The following ADAMTS18 variants were observed in gnomAD, a reference collection of about 807,000 sequenced individuals.
ADAMTS18 encodes A disintegrin and metalloproteinase with thrombospondin motifs 18.
Under a neutral mutation model 165.9 loss-of-function variants are expected in ADAMTS18, and 157 were observed. The ratio of observed to expected loss-of-function variants is 0.95; its 90% CI spans 0.83 to 1.08. The LOEUF (loss-of-function observed/expected upper bound fraction) is 1.08, where lower values mean the gene tolerates loss of function less well. ADAMTS18 is among the 50% of genes least tolerant of loss of function. The probability of loss-of-function intolerance (pLI) is 0.00; values close to 1 mark genes in which losing one functional copy is unlikely to be tolerated. For synonymous variants in ADAMTS18, 782 were observed against 578.2 expected (o/e 1.35, Z -5.06); for missense variants, 2,040 against 1,534.0 (o/e 1.33, Z -5.51).
chr16:77,330,123 G>T (rs1293550855), intron 12 of ADAMTS18, among the ~76,000 whole-genome samples: 1 of 152,146 alleles, frequency 6.6e-6, no homozygotes, highest in Non-Finnish European at 1.5e-5. Flanking sequence ...CTGATAACCA[G>T]CTGAGCCGTG....
chr16:77,336,434 C>T (rs2056311880), intron 11 of ADAMTS18, among the ~76,000 whole-genome samples: 1 of 152,178 alleles, frequency 6.6e-6, no homozygotes, highest in South Asian at 2.1e-4. Context: ...ATTACACATA[C>T]ATTATATTTT....
At chr16:77,330,701 T>C (rs751454035) in intron 12 of ADAMTS18, among the ~76,000 whole-genome samples, 4 of 152,226 alleles carry the variant, frequency 2.6e-5, no homozygotes, top group Non-Finnish European at 4.4e-5. Flanking sequence ...GCATTGGCCA[T>C]TCCAGAGCCA....
At position 77,434,755 on chromosome 16, in the gene ADAMTS18, G is replaced by A. The variant is rs1285789080; in HGVS notation, c.-60C>T. 10 of 1,326,324 alleles carry A rather than the reference G, an allele frequency of 7.5e-6. No individual in the cohort carries two copies. The Admixed American group carries it at 1.0e-4, about 14-fold the overall frequency. The allele number at this position is 1,326,324 out of a possible 1,614,324, so 82.2% of individuals were successfully genotyped here. A position where few individuals can be genotyped will look rare whatever the true frequency, so the allele number is the denominator to read the frequency against. On this transcript the variant is annotated 5_prime_UTR_variant, in exon 1 of 23. Transcript: ENST00000282849. ...GACGCGGCAGGCGGAGCGCACGGGC[G>A]GCGCGCATTCTTTCCGCGGCCCCGG...
At chr16:77,387,523 T>G (rs1441330938) in intron 3 of ADAMTS18, among the ~76,000 whole-genome samples, 2 of 152,192 alleles carry the variant, frequency 1.3e-5, no homozygotes, top group Non-Finnish European at 2.9e-5. Flanking sequence ...CTCTGACCAT[T>G]CATACCTCCT....
intron 20 of ADAMTS18, among the ~76,000 whole-genome samples, chr16:77,292,557 G>T (rs1018446361): frequency 3.3e-5 from 5 of 152,184 alleles, no homozygotes; most frequent in African/African-American, 1.2e-4. Context: ...ACCGGCTTGG[G>T]TGAAGCTTGA....
intron 3 of ADAMTS18, among the ~76,000 whole-genome samples, chr16:77,419,538 A>T (rs1420729374): frequency 1.3e-5 from 2 of 152,134 alleles, no homozygotes; most frequent in Non-Finnish European, 2.9e-5. Context: ...TCTGGACCCA[A>T]TCAAATTTAA....
chr16:77,431,880 T>G, intron 2 of ADAMTS18: 1 of 527,594 alleles, frequency 1.9e-6, no homozygotes, highest in Non-Finnish European at 3.4e-6. Context: ...GTAACACCTC[T>G]CATTGTCTGG....
intron 3 of ADAMTS18, among the ~76,000 whole-genome samples, chr16:77,369,383 G>C (rs2056844504): frequency 6.6e-6 from 1 of 150,960 alleles, no homozygotes; most frequent in African/African-American, 2.4e-5. Flanking sequence ...ATTAATTTTG[G>C]GTTTAGTTTG....
chr16:77,379,888 G>A (rs946825321), intron 3 of ADAMTS18, among the ~76,000 whole-genome samples: 9 of 152,124 alleles, frequency 5.9e-5, no homozygotes, highest in African/African-American at 1.9e-4. Context: ...AGTCCTCTCC[G>A]CCTGTGGTTC....
At chr16:77,285,736 A>ACTATTGAAGATGACCTTGGAATCATTT (rs2055237912) in intron 22 of ADAMTS18, among the ~76,000 whole-genome samples, 2 of 152,142 alleles carry the variant, frequency 1.3e-5, no homozygotes, top group South Asian at 4.1e-4. Flanking sequence ...TTTCATTTAC[A>ACTATTGAAGATGACCTTGGAATCATTT]CTATTGAAGA....
intron 16 of ADAMTS18, 76 bp downstream of exon 16, chr16:77,319,773 G>C: frequency 1.2e-6 from 2 of 1,607,920 alleles, no homozygotes; most frequent in Non-Finnish European, 1.7e-6. Flanking sequence ...AAGGACTGGA[G>C]TTCTGGCTCA....
intron 2 of ADAMTS18, chr16:77,433,287 C>G (rs1043562684): frequency 6.6e-6 from 1 of 152,316 alleles, no homozygotes; most frequent in East Asian, 1.9e-4. Context: ...ACTTGGAAGG[C>G]TCTGTAGGAA....
At chr16:77,359,692 G>A (rs2056684460) in intron 7 of ADAMTS18, among the ~76,000 whole-genome samples, 1 of 152,098 alleles carries the variant, frequency 6.6e-6, no homozygotes, top group Non-Finnish European at 1.5e-5. Flanking sequence ...TATGAGTACT[G>A]TAATTCCCAT....
At chr16:77,380,411 G>C (rs932055917) in intron 3 of ADAMTS18, among the ~76,000 whole-genome samples, 1 of 152,162 alleles carries the variant, frequency 6.6e-6, no homozygotes, top group Non-Finnish European at 1.5e-5. Flanking sequence ...CAAATCCCAT[G>C]AGACCAGAAT....
At chr16:77,430,158 A>C (rs1469005920) in intron 3 of ADAMTS18, among the ~76,000 whole-genome samples, 1 of 151,794 alleles carries the variant, frequency 6.6e-6, no homozygotes, top group East Asian at 1.9e-4. Flanking sequence ...CAAAACAAAC[A>C]AACAAACAAA....
At chr16:77,308,707 A>G (rs1245647617) in intron 16 of ADAMTS18, among the ~76,000 whole-genome samples, 2 of 152,174 alleles carry the variant, frequency 1.3e-5, no homozygotes, top group East Asian at 3.8e-4. Context: ...AATTACCTAC[A>G]CCTAAACCTC....
chr16:77,300,135 G>T, intron 17 of ADAMTS18, 128 bp downstream of exon 17: 1 of 1,120,170 alleles, frequency 8.9e-7, no homozygotes. Flanking sequence ...TGCTTTTATG[G>T]TGATGGTTCT....
At chr16:77,383,670 G>A (rs922570352) in intron 3 of ADAMTS18, among the ~76,000 whole-genome samples, 1 of 152,084 alleles carries the variant, frequency 6.6e-6, no homozygotes, top group Non-Finnish European at 1.5e-5. Flanking sequence ...AGCCTCCCAA[G>A]TAGCTGGGAT....
intron 16 of ADAMTS18, among the ~76,000 whole-genome samples, chr16:77,310,157 T>C (rs2055753786): frequency 1.3e-5 from 2 of 152,172 alleles, no homozygotes; most frequent in African/African-American, 2.4e-5. Flanking sequence ...AGCTCTCCTT[T>C]TATGTTTTGC....
Sources: allele counts gnomAD v4.1 joint callset (sites outside exome capture counted in the v4.1 genomes callset), GRCh38; gene constraint gnomAD v4.1.1; transcripts MANE v1.5; gene names NCBI Gene and HGNC (gene_info 2026-07-23, HGNC 2026-07-21).